Variants in PTPRD observed in about 807,000 individuals in gnomAD.
The protein encoded by PTPRD is protein tyrosine phosphatase receptor type D, also known as receptor-type tyrosine-protein phosphatase delta.
PTPRD carries 34 observed loss-of-function variants against 214.5 expected under a neutral mutation model. That is an observed-to-expected ratio of 0.16 (90% CI 0.12 to 0.21). PTPRD has a LOEUF of 0.21. Ranked by LOEUF, PTPRD falls within the 10% of genes least tolerant of loss-of-function variation. The probability of loss-of-function intolerance (pLI) is 1.00; values close to 1 mark genes in which losing one functional copy is unlikely to be tolerated. For missense variants in PTPRD, 2,545 were observed against 2,398.7 expected, an observed-to-expected ratio of 1.06 and a Z score of -1.27; for synonymous variants, 1,128 against 845.7, an observed-to-expected ratio of 1.33 and a Z score of -5.79.
intron 3 of PTPRD, among the ~76,000 whole-genome samples, chr9:10,180,360 C>T (rs1269947708): frequency 6.6e-6 from 1 of 151,898 alleles, no homozygotes; most frequent in Non-Finnish European, 1.5e-5. Flanking sequence ...CAACTTCCTC[C>T]CTTTCATCAC....
At chr9:10,174,459 T>G (rs2099233658) in intron 3 of PTPRD, among the ~76,000 whole-genome samples, 1 of 152,138 alleles carries the variant, frequency 6.6e-6, no homozygotes, top group Non-Finnish European at 1.5e-5. Flanking sequence ...GGGCCCAATT[T>G]TTAACTTTTG....
intron 5 of PTPRD, among the ~76,000 whole-genome samples, chr9:9,770,507 A>T (rs1169758344): frequency 1.3e-5 from 2 of 152,210 alleles, no homozygotes; most frequent in Admixed American, 1.3e-4. Flanking sequence ...TTGAAATAAA[A>T]CTAATCCTTG....
intron 10 of PTPRD, among the ~76,000 whole-genome samples, chr9:9,137,605 T>C (rs1484286882): frequency 1.3e-5 from 2 of 152,186 alleles, no homozygotes; most frequent in Non-Finnish European, 2.9e-5. Flanking sequence ...ATGAAATGTG[T>C]TGAACAAGGA....
At chr9:9,777,051 A>G (rs1212218681) in intron 5 of PTPRD, among the ~76,000 whole-genome samples, 1 of 152,210 alleles carries the variant, frequency 6.6e-6, no homozygotes, top group Non-Finnish European at 1.5e-5. Flanking sequence ...TTATAAACAC[A>G]TAGCTTGTCA....
rs186829301 is a variant in PTPRD at position 10,072,949 on chromosome 9, T to C, written c.-544-39159A>G. Among the ~76,000 whole-genome samples, 11 of 152,224 alleles carry C rather than the reference T, an allele frequency of 7.2e-5. No homozygotes were observed. In the East Asian group the frequency reaches 1.4e-3, roughly 19 times the overall value. On this transcript the variant is annotated intron_variant, in intron 3 of 45. Coordinates refer to ENST00000381196, the MANE Select transcript of PTPRD (RefSeq NM_002839.4). Reference sequence around the variant, plus strand: ...ACCAAGATGTCCTTCAGTAGGTGAATAGACAAGCAAATTGTGGTATATCCA... The same window carrying C: ...ACCAAGATGTCCTTCAGTAGGTGAACAGACAAGCAAATTGTGGTATATCCA...
chr9:9,842,022 T>C (rs932548921), intron 5 of PTPRD, among the ~76,000 whole-genome samples: 1 of 152,030 alleles, frequency 6.6e-6, no homozygotes, highest in African/African-American at 2.4e-5. Flanking sequence ...CAACTATACA[T>C]GTTTAATATT....
chr9:9,863,166 C>G (rs563048808), intron 5 of PTPRD, among the ~76,000 whole-genome samples: 33 of 152,158 alleles, frequency 2.2e-4, no homozygotes, highest in African/African-American at 7.7e-4. Flanking sequence ...GAAAAGCTGA[C>G]AACAGTCCAC....
At position 9,482,477 on chromosome 9, in the gene PTPRD, T is replaced by C. The variant is rs10121172; in HGVS notation, c.-236-84995A>G. On this transcript the variant is annotated intron_variant, in intron 8 of 45. Transcript: ENST00000381196. ...TCTTTGTACCCACACATGCACCATT[T>C]GAAGAATTGTTCTTTTCTTTCATTG... 1.1e-3 allele frequency among the ~76,000 whole-genome samples: 171 copies of C among 152,306 alleles called. 1 individual carries two copies. The highest frequency in any genetic ancestry group is 3.7e-3 in the African/African-American group (152 of 41,568).
At chr9:8,620,011 C>A (rs1205078156) in intron 14 of PTPRD, among the ~76,000 whole-genome samples, 1 of 152,016 alleles carries the variant, frequency 6.6e-6, no homozygotes, top group Non-Finnish European at 1.5e-5. Flanking sequence ...CCAGACACTG[C>A]ACACAGACCC....
intron 11 of PTPRD, among the ~76,000 whole-genome samples, chr9:8,955,906 A>G (rs571617358): frequency 6.6e-6 from 1 of 152,046 alleles, no homozygotes; most frequent in South Asian, 2.1e-4. Context: ...ATGCATATAC[A>G]CACACACCTT....
chr9:9,949,395 G>GT (rs568448178), intron 4 of PTPRD, among the ~76,000 whole-genome samples: 83 of 152,150 alleles, frequency 5.5e-4, no homozygotes, highest in African/African-American at 1.9e-3. Flanking sequence ...ATTCTATGAT[G>GT]TTTTTTATTT....
At chr9:8,961,946 G>A (rs1019724396) in intron 11 of PTPRD, among the ~76,000 whole-genome samples, 5 of 151,990 alleles carry the variant, frequency 3.3e-5, no homozygotes, top group African/African-American at 4.8e-5. Flanking sequence ...TAATTATATA[G>A]GAATATATAT....
intron 11 of PTPRD, among the ~76,000 whole-genome samples, chr9:8,947,353 T>C (rs1320567961): frequency 6.6e-6 from 1 of 150,824 alleles, no homozygotes; most frequent in East Asian, 1.9e-4. Context: ...GTCCCAGCTA[T>C]TCGGGAGACT....
intron 10 of PTPRD, among the ~76,000 whole-genome samples, chr9:9,089,412 A>G (rs2099772252): frequency 6.6e-6 from 1 of 152,172 alleles, no homozygotes; most frequent in Non-Finnish European, 1.5e-5. Flanking sequence ...AGCTGGGACA[A>G]TTGCTCCCCA....
intron 5 of PTPRD, among the ~76,000 whole-genome samples, chr9:9,834,890 G>T (rs1490817300): frequency 6.6e-6 from 1 of 151,680 alleles, no homozygotes; most frequent in East Asian, 1.9e-4. Context: ...CAAAAACTGT[G>T]TCCTCTGGTC....
At chr9:9,575,312 T>C (rs957099092) in intron 7 of PTPRD, among the ~76,000 whole-genome samples, 4 of 152,184 alleles carry the variant, frequency 2.6e-5, no homozygotes, top group Non-Finnish European at 5.9e-5. Flanking sequence ...CATCGTTCAC[T>C]GTACATCCTA....
chr9:9,577,641 G>A (rs2089342436), intron 7 of PTPRD, among the ~76,000 whole-genome samples: 1 of 152,054 alleles, frequency 6.6e-6, no homozygotes, highest in Non-Finnish European at 1.5e-5. Context: ...TCAGAGGAGA[G>A]ATTTATGATG....
chr9:10,349,516 T>C (rs1202300312), intron 2 of PTPRD, among the ~76,000 whole-genome samples: 1 of 152,160 alleles, frequency 6.6e-6, no homozygotes, highest in East Asian at 1.9e-4. Context: ...TGCATATACA[T>C]AAACCTCTCT....
intron 11 of PTPRD, among the ~76,000 whole-genome samples, chr9:8,996,073 T>G (rs2154351456): frequency 6.6e-6 from 1 of 152,150 alleles, no homozygotes; most frequent in African/African-American, 2.4e-5. Flanking sequence ...AAACATACAC[T>G]TTATATGCAA....
Sources: gnomAD v4.1 joint callset for allele counts (sites outside exome capture counted in the v4.1 genomes callset) on GRCh38, gnomAD v4.1.1 for gene constraint, MANE v1.5 for transcripts, NCBI Gene and HGNC (gene_info 2026-07-23, HGNC 2026-07-21) for gene names.